ADGRG5: variants seen among roughly 807,000 people sequenced by gnomAD.
The protein encoded by ADGRG5 is G protein-coupled receptor 114.
ADGRG5 carries 37 observed loss-of-function variants against 53.2 expected under a neutral mutation model. That is an observed-to-expected ratio of 0.70 (90% CI 0.53 to 0.91). The LOEUF (loss-of-function observed/expected upper bound fraction) is 0.91, where lower values mean the gene tolerates loss of function less well. Ranked by LOEUF, ADGRG5 falls within the 40% of genes least tolerant of loss-of-function variation. ADGRG5 has a pLI of 0.00. For missense variants in ADGRG5, 614 were observed against 675.8 expected (o/e 0.91, Z 1.01); for synonymous variants, 277 against 290.4 (o/e 0.95, Z 0.47).
At chr16:57,537,023 C>G in the ADGRG5 span, among the ~76,000 whole-genome samples, 1 of 152,156 alleles carries the variant, frequency 6.6e-6, no homozygotes, top group African/African-American at 2.4e-5. Context: ...CTGTGCCCAT[C>G]GGGCCTCAGT....
At chr16:57,555,575 G>T (rs183461429) in intron 1 of ADGRG5, among the ~76,000 whole-genome samples, 2 of 151,918 alleles carry the variant, frequency 1.3e-5, no homozygotes, top group Middle Eastern at 3.2e-3. Context: ...TATAAGTGTT[G>T]GTTTGTCAAT....
At chr16:57,566,941 G>A (rs1453989345) in intron 7 of ADGRG5, among the ~76,000 whole-genome samples, 190 bp downstream of exon 7, 2 of 152,206 alleles carry the variant, frequency 1.3e-5, no homozygotes, top group Non-Finnish European at 1.5e-5. Context: ...CTTGATCCAC[G>A]GGCTGATCAC....
rs112709478 is a variant in ADGRG5 at position 57,549,914 on chromosome 16, T to A, written c.-39+7213T>A. Among the ~76,000 whole-genome samples, 606 of 152,318 alleles carry A rather than the reference T, an allele frequency of 4.0e-3. 6 individuals are homozygous for A. Among genetic ancestry groups the A allele is most frequent in the African/African-American group, 0.014 (586 of 41,586 alleles). ...GGTGTGTAGTGATATCTGATTGTGG[T>A]TTTTATATGCATTTCTCTAATGACT... On this transcript the variant is annotated intron_variant, in intron 1 of 11. Transcript: ENST00000349457.
chr16:57,546,136 A>G (rs546540929), intron 1 of ADGRG5, among the ~76,000 whole-genome samples: 3 of 151,402 alleles, frequency 2.0e-5, no homozygotes, highest in African/African-American at 7.3e-5. Flanking sequence ...CTATTTATTT[A>G]TTTTTGATAC....
chr16:57,554,577 C>T (rs535923601), intron 1 of ADGRG5, among the ~76,000 whole-genome samples: 35 of 152,024 alleles, frequency 2.3e-4, no homozygotes, highest in Admixed American at 4.6e-4. Context: ...GGGGTTTCAC[C>T]GTGTTAGCCA....
chr16:57,551,293 C>T (rs34184767), intron 1 of ADGRG5, among the ~76,000 whole-genome samples: 2,934 of 152,258 alleles, frequency 0.019, 49 homozygotes, highest in Non-Finnish European at 0.031. Flanking sequence ...TCAGTTGACT[C>T]TTCCTTTCAT....
At chr16:57,533,945 G>A in the ADGRG5 span, among the ~76,000 whole-genome samples, 9 of 152,212 alleles carry the variant, frequency 5.9e-5, no homozygotes, top group East Asian at 1.7e-3. Flanking sequence ...GCCCCACCAA[G>A]GGGCAGGTCA....
chr16:57,563,816 T>G (rs370853359), intron 4 of ADGRG5, 32 bp from the exon 5 acceptor site: 8 of 1,612,044 alleles, frequency 5.0e-6, no homozygotes, highest in African/African-American at 1.3e-5. Flanking sequence ...CAGGTCCTGG[T>G]TGCCAAACAG....
intron 1 of ADGRG5, among the ~76,000 whole-genome samples, chr16:57,558,409 C>A (rs929539423): frequency 3.3e-5 from 5 of 152,234 alleles, no homozygotes; most frequent in Non-Finnish European, 2.9e-5. Flanking sequence ...CCACTCCGCG[C>A]TCAGCATTGC....
intron 1 of ADGRG5, among the ~76,000 whole-genome samples, chr16:57,553,049 G>A (rs1017365210): frequency 2.0e-5 from 3 of 152,104 alleles, no homozygotes; most frequent in Admixed American, 6.5e-5. Context: ...GCAGTTTGTG[G>A]TACTCCAAAA....
In ADGRG5 at chr16:57,574,673, T is replaced by A; in HGVS notation, c.1209-142T>A. The A allele has an allele frequency of 1.2e-6, 1 of 859,260 alleles. No homozygotes were observed. The highest frequency in any genetic ancestry group is 3.2e-5 in the Admixed American group (1 of 31,404). The allele number at this position is 859,260 out of a possible 1,614,324, so 53.2% of individuals were successfully genotyped here. A position where few individuals can be genotyped will look rare whatever the true frequency, so the allele number is the denominator to read the frequency against. On this transcript the variant is annotated intron_variant, in intron 10 of 11. Coordinates refer to ENST00000349457, the MANE Select transcript of ADGRG5 (RefSeq NM_001304376.3). The surrounding 1 kb of genome is among the most constrained non-coding windows in gnomAD (Gnocchi z 4.4). ...ATGGTGGCCTGGCTGGAAAGCCGGGTGAGGGGTTTCACTGTGTGTTCAGTC... is the reference window on the plus strand; with the variant it reads ...ATGGTGGCCTGGCTGGAAAGCCGGGAGAGGGGTTTCACTGTGTGTTCAGTC...
At chr16:57,549,395 A>G (rs531892252) in intron 1 of ADGRG5, among the ~76,000 whole-genome samples, 2 of 152,294 alleles carry the variant, frequency 1.3e-5, no homozygotes, top group South Asian at 2.1e-4. Flanking sequence ...CTCTGCCACT[A>G]CCATCAAACA....
At chr16:57,545,206 G>A (rs1019404742) in intron 1 of ADGRG5, among the ~76,000 whole-genome samples, 3 of 151,998 alleles carry the variant, frequency 2.0e-5, no homozygotes, top group African/African-American at 7.3e-5. Context: ...TCTCTATTTC[G>A]TATTAAAAAT....
rs368531040 is a variant in ADGRG5, at chr16:57,563,937, G to A, written c.387G>A (p.Leu129=). 1 of 1,614,102 alleles carries A rather than the reference G, an allele frequency of 6.2e-7. No individual in the cohort carries two copies. The highest frequency in any genetic ancestry group is 8.5e-7 in the Non-Finnish European group (1 of 1,179,968). Residue 129 remains leucine (L), a synonymous_variant, in exon 5 of 12, where the codon CTG becomes CTA. Coordinates refer to ENST00000349457, the MANE Select transcript of ADGRG5 (RefSeq NM_001304376.3). ...RDACKTRPRE[L]RLICIYFSNT... is the part of the protein sequence containing the mutation. The stretch of plus-strand genomic sequence containing the variant: ...CCTGCAAGACCCGCCCCAGGGAGCT[G>A]CGGCTCATCTGTATCTACTTCTCCA...
chr16:57,566,767 G>C lies in ADGRG5; in HGVS notation c.699+16G>C. 1 of 1,448,218 alleles carries C rather than the reference G, an allele frequency of 6.9e-7. No individual in the cohort carries two copies. Among genetic ancestry groups the C allele is most frequent in the Non-Finnish European group, 9.1e-7 (1 of 1,095,266 alleles). 89.7% of individuals were successfully genotyped at this position (1,448,218 alleles called of 1,614,324 possible). On this transcript the variant is annotated intron_variant, in intron 7 of 11. Coordinates refer to ENST00000349457, the MANE Select transcript of ADGRG5 (RefSeq NM_001304376.3). ...TGTTCTCATGGTATGTATGCATCCTGAGTGGGGCTCAGAGCTACAGAGGGC... is the reference window on the plus strand; with the variant it reads ...TGTTCTCATGGTATGTATGCATCCTCAGTGGGGCTCAGAGCTACAGAGGGC...
At chr16:57,536,075 C>G in the ADGRG5 span, among the ~76,000 whole-genome samples, 1 of 152,198 alleles carries the variant, frequency 6.6e-6, no homozygotes, top group Admixed American at 6.5e-5. Flanking sequence ...ACCGCATGGC[C>G]CCCATTGGCA....
Position 57,575,079 on chromosome 16 carries a change from A to G in ADGRG5, c.1473A>G (p.Leu491=). The change falls in exon 11 of 12, where the codon TTA becomes TTG. Residue 491 remains leucine, a synonymous_variant. Transcript: ENST00000349457. ...LLPQLFLFTI[L]NSLYGFFLFL... is the part of the protein sequence containing the mutation. ...CCCAGCTGTTCCTCTTCACCATCTT[A>G]AACTCGCTCTACGGTAGGGCTGGAG... 1 of 1,613,012 alleles carries G rather than the reference A, an allele frequency of 6.2e-7. No individual in the cohort carries two copies. The highest frequency in any genetic ancestry group is 1.1e-5 in the South Asian group (1 of 90,960).
At chr16:57,561,016 C>A (rs748204653) in intron 1 of ADGRG5, among the ~76,000 whole-genome samples, 1 of 152,178 alleles carries the variant, frequency 6.6e-6, no homozygotes, top group South Asian at 2.1e-4. Context: ...TGGTCTCAAG[C>A]GATCCTCCTG....
the ADGRG5 span, among the ~76,000 whole-genome samples, chr16:57,529,607 T>C: frequency 6.6e-6 from 1 of 152,210 alleles, no homozygotes; most frequent in South Asian, 2.1e-4. This position sits in a 1 kb window ranked among gnomAD's most constrained non-coding sequence, Gnocchi z 4.1. Context: ...GCTTATACTA[T>C]ACTACTATGC....
Sources: allele counts gnomAD v4.1 joint callset (sites outside exome capture counted in the v4.1 genomes callset), GRCh38; gene constraint gnomAD v4.1.1; non-coding constraint Gnocchi (gnomAD v3.1); transcripts MANE v1.5; gene names NCBI Gene and HGNC (gene_info 2026-07-23, HGNC 2026-07-21).